The following DGAT2 variants were observed in gnomAD, a reference collection of about 807,000 sequenced individuals.
The protein encoded by DGAT2 is diacylglycerol O-acyltransferase 2.
A neutral mutation model predicts 48.4 loss-of-function variants in DGAT2; 33 were observed. The observed-to-expected ratio is 0.68, with a 90% confidence interval of 0.52 to 0.91. The LOEUF (loss-of-function observed/expected upper bound fraction) is 0.91. Among genes scored for constraint, DGAT2 ranks in the 40% least tolerant of loss-of-function variants. The pLI, the probability that DGAT2 is intolerant of heterozygous loss-of-function variation, is 0.00. For synonymous variants in DGAT2, 191 were observed against 194.1 expected (o/e 0.98, Z 0.13); for missense variants, 446 against 493.7 (o/e 0.90, Z 0.92).
intron 1 of DGAT2, among the ~76,000 whole-genome samples, chr11:75,784,097 A>G (rs1002161779): frequency 2.0e-5 from 3 of 152,074 alleles, no homozygotes; most frequent in Non-Finnish European, 2.9e-5. Flanking sequence ...CTCCTTGGAG[A>G]AGGGGTATTA....
At chr11:75,796,089 G>T in intron 4 of DGAT2, 1 of 538,842 alleles carries the variant, frequency 1.9e-6, no homozygotes, top group Non-Finnish European at 3.4e-6. Flanking sequence ...AGACTGAGAG[G>T]AACAAGGGCA....
At position 75,768,781 on chromosome 11, in the gene DGAT2, GCGGCTGCCGCCTCTGCT is replaced by G; in HGVS notation, c.-210_-194del. The G allele has an allele frequency of 2.0e-6, 1 of 493,902 alleles. No individual in the cohort carries two copies. The highest frequency in any genetic ancestry group is 3.2e-6 in the Non-Finnish European group (1 of 310,396). 30.6% of individuals were successfully genotyped at this position (493,902 alleles called of 1,614,324 possible). On this transcript the variant is annotated 5_prime_UTR_variant, in exon 1 of 8. Transcript: ENST00000228027. ...TGTTGCGCTCCGGGACGCCAGCGCC[GCGGCTGCCGCCTCTGCT>G]GGGGTCTAGGCTGTTTCTCTCGCGC...
At chr11:75,789,284 G>T (rs1326448815) in intron 2 of DGAT2, among the ~76,000 whole-genome samples, 1 of 152,142 alleles carries the variant, frequency 6.6e-6, no homozygotes, top group Non-Finnish European at 1.5e-5. Context: ...GAGTAGCTGG[G>T]ACTACAGGCA....
At chr11:75,790,360 G>A (rs2135773974) in intron 3 of DGAT2, 65 bp downstream of exon 3, 1 of 1,352,334 alleles carries the variant, frequency 7.4e-7, no homozygotes, top group African/African-American at 1.4e-5. Context: ...TGCACAAGCT[G>A]AAGGGCCTCA....
At chr11:75,796,716 G>T in intron 5 of DGAT2, 184 bp downstream of exon 5, 1 of 627,262 alleles carries the variant, frequency 1.6e-6, no homozygotes. Context: ...ATGGTCTTGA[G>T]AATTCAACTC....
chr11:75,786,661 G>A (rs926472605), intron 2 of DGAT2, among the ~76,000 whole-genome samples: 9 of 152,196 alleles, frequency 5.9e-5, no homozygotes, highest in South Asian at 2.1e-4. Context: ...ACCTGGCCTC[G>A]TTGGACAGGC....
chr11:75,781,948 AGTT>A (rs1944869157), intron 1 of DGAT2, among the ~76,000 whole-genome samples: 1 of 152,136 alleles, frequency 6.6e-6, no homozygotes, highest in Non-Finnish European at 1.5e-5. Context: ...AGGTCTTCTC[AGTT>A]GTTTCAGTTG....
At chr11:75,779,245 T>C (rs888139949) in intron 1 of DGAT2, among the ~76,000 whole-genome samples, 2 of 152,116 alleles carry the variant, frequency 1.3e-5, no homozygotes, top group East Asian at 3.9e-4. Flanking sequence ...ACATGAGACT[T>C]TGAGCATGAT....
At chr11:75,787,602 A>C (rs1293091294) in intron 2 of DGAT2, among the ~76,000 whole-genome samples, 1 of 152,256 alleles carries the variant, frequency 6.6e-6, no homozygotes, top group Non-Finnish European at 1.5e-5. Flanking sequence ...GCTCAGCAAC[A>C]GTGGTTTTTA....
intron 1 of DGAT2, 130 bp downstream of exon 1, chr11:75,769,242 C>T: frequency 1.7e-6 from 2 of 1,178,984 alleles, no homozygotes; most frequent in Non-Finnish European, 2.2e-6. Flanking sequence ...TTTACGACCT[C>T]TGTTACATCG....
intron 2 of DGAT2, among the ~76,000 whole-genome samples, chr11:75,786,137 G>T (rs1306873264): frequency 6.6e-6 from 1 of 152,200 alleles, no homozygotes; most frequent in Non-Finnish European, 1.5e-5. Context: ...GTCTTACAGG[G>T]ACAGGTAGCC....
Position 75,800,739 on chromosome 11 carries a change from GT to G in DGAT2, c.*232del, listed in dbSNP as rs1452113754. 15 of 506,250 alleles carry G rather than the reference GT, an allele frequency of 3.0e-5. No individual in the cohort carries two copies. In the African/African-American group the frequency reaches 3.0e-4, roughly 10 times the overall value. 31.4% of individuals were successfully genotyped at this position (506,250 alleles called of 1,614,324 possible). On this transcript the variant is annotated 3_prime_UTR_variant, in exon 8 of 8. Transcript: ENST00000228027. Reference sequence around the variant, plus strand: ...GTGGCTAAATCTGGGCCTAATCTGGGTGGCTCAGCTAACCTCTCTTCTTCCC... The same window carrying G: ...GTGGCTAAATCTGGGCCTAATCTGGGGGCTCAGCTAACCTCTCTTCTTCCC...
intron 2 of DGAT2, among the ~76,000 whole-genome samples, chr11:75,787,767 G>A (rs1214243736): frequency 6.6e-6 from 1 of 152,198 alleles, no homozygotes; most frequent in East Asian, 1.9e-4. Context: ...ATCTGACCTG[G>A]TTTCTGCTCC....
intron 1 of DGAT2, among the ~76,000 whole-genome samples, chr11:75,771,421 G>A (rs1249295188): frequency 6.6e-6 from 1 of 152,122 alleles, no homozygotes; most frequent in Non-Finnish European, 1.5e-5. Flanking sequence ...TGAGATGTTG[G>A]TGGTCCCAGT....
chr11:75,781,044 A>G (rs1944857744), intron 1 of DGAT2, among the ~76,000 whole-genome samples: 1 of 152,220 alleles, frequency 6.6e-6, no homozygotes, highest in South Asian at 2.1e-4. Flanking sequence ...AGTGTGATGG[A>G]GAATCAGCTT....
At chr11:75,790,106 A>G in intron 2 of DGAT2, 82 bp from the exon 3 acceptor site, 1 of 1,029,452 alleles carries the variant, frequency 9.7e-7, no homozygotes, top group Non-Finnish European at 1.5e-6. Flanking sequence ...TTAGTGCCAC[A>G]GTAAACACTC....
chr11:75,797,112 T>G, intron 5 of DGAT2, 46 bp from the exon 6 acceptor site: 2 of 1,427,016 alleles, frequency 1.4e-6, no homozygotes, highest in Non-Finnish European at 1.8e-6. Flanking sequence ...GGATGGGGAG[T>G]GGATCCATGG....
intron 3 of DGAT2, 81 bp from the exon 4 acceptor site, chr11:75,790,580 G>C: frequency 7.6e-7 from 1 of 1,321,354 alleles, no homozygotes; most frequent in East Asian, 2.3e-5. Context: ...CACCTGCTTG[G>C]GTTTCACACT....
intron 3 of DGAT2, among the ~76,000 whole-genome samples, 165 bp downstream of exon 3, chr11:75,790,460 T>C (rs1264792245): frequency 6.6e-6 from 1 of 152,206 alleles, no homozygotes; most frequent in Non-Finnish European, 1.5e-5. Context: ...CAAAGGGCAC[T>C]GTTCTGGTCC....
Sources: allele counts gnomAD v4.1 joint callset (sites outside exome capture counted in the v4.1 genomes callset), GRCh38; gene constraint gnomAD v4.1.1; transcripts MANE v1.5; gene names NCBI Gene and HGNC (gene_info 2026-07-23, HGNC 2026-07-21).